The following MYO1D variants were observed in gnomAD, a reference collection of about 807,000 sequenced individuals.
The protein encoded by MYO1D is myosin ID, also known as unconventional myosin-Id.
Under a neutral mutation model 122.0 loss-of-function variants are expected in MYO1D, and 83 were observed. That is an observed-to-expected ratio of 0.68 (90% CI 0.57 to 0.82). The LOEUF is 0.82. Ranked by LOEUF, MYO1D falls within the 40% of genes least tolerant of loss-of-function variation. The probability of loss-of-function intolerance (pLI) is 0.00; values close to 1 mark genes in which losing one functional copy is unlikely to be tolerated. For missense variants in MYO1D, 1,157 were observed against 1,269.5 expected (o/e 0.91, Z 1.35); for synonymous variants, 464 against 446.9 (o/e 1.04, Z -0.48).
chr17:32,740,158 GA>G (rs2089756585), intron 13 of MYO1D, among the ~76,000 whole-genome samples: 1 of 152,228 alleles, frequency 6.6e-6, no homozygotes, highest in Non-Finnish European at 1.5e-5. Context: ...CATGGTGCCT[GA>G]ATGCCATTCT....
chr17:32,646,790 C>T (rs1290486387), intron 19 of MYO1D, among the ~76,000 whole-genome samples: 3 of 152,054 alleles, frequency 2.0e-5, no homozygotes. Context: ...CTTAAATTAT[C>T]CTCAGAATAT....
intron 4 of MYO1D, among the ~76,000 whole-genome samples, chr17:32,775,100 A>G (rs2090159640): frequency 6.6e-6 from 1 of 152,136 alleles, no homozygotes; most frequent in Non-Finnish European, 1.5e-5. Context: ...TAAGAGTTTG[A>G]GACCAGCCTG....
chr17:32,584,515 T>TC (rs990641093), intron 21 of MYO1D, among the ~76,000 whole-genome samples: 3 of 151,932 alleles, frequency 2.0e-5, no homozygotes, highest in African/African-American at 7.3e-5. Flanking sequence ...TTTTTTTTTT[T>TC]CGAGCCAGGG....
chr17:32,854,290 T>C (rs909027729), intron 1 of MYO1D, among the ~76,000 whole-genome samples: 1 of 152,214 alleles, frequency 6.6e-6, no homozygotes, highest in Non-Finnish European at 1.5e-5. Context: ...GGAATAAAAA[T>C]GGATCCTGGC....
intron 14 of MYO1D, 107 bp downstream of exon 14, chr17:32,738,146 T>C: frequency 1.0e-6 from 1 of 976,624 alleles, no homozygotes; most frequent in Non-Finnish European, 1.5e-6. Flanking sequence ...ATACATATTC[T>C]TCAATCTACA....
intron 20 of MYO1D, among the ~76,000 whole-genome samples, chr17:32,627,123 A>G (rs2087938847): frequency 6.6e-6 from 1 of 152,238 alleles, no homozygotes; most frequent in African/African-American, 2.4e-5. Context: ...AGCTCCCAGG[A>G]CTACTGAGAA....
In MYO1D at chr17:32,745,294, G is replaced by GA; in HGVS notation, c.1539-10dup. 2 of 1,507,550 alleles carry GA rather than the reference G, an allele frequency of 1.3e-6. No homozygotes were observed. The highest frequency in any genetic ancestry group is 1.8e-6 in the Non-Finnish European group (2 of 1,098,886). The allele number at this position is 1,507,550 out of a possible 1,614,324, so 93.4% of individuals were successfully genotyped here. Reference sequence around the variant, plus strand: ...AACCAATGACAGAATAGCTAACAGGGAAAAATCACAGAAAACATGTATCAT... The same window carrying GA: ...AACCAATGACAGAATAGCTAACAGGGAAAAAATCACAGAAAACATGTATCAT... On this transcript the variant is annotated splice_polypyrimidine_tract_variant and intron_variant, in intron 12 of 21. Coordinates refer to ENST00000318217, the MANE Select transcript of MYO1D (RefSeq NM_015194.3).
chr17:32,556,246 C>G (rs2087067611), intron 21 of MYO1D, among the ~76,000 whole-genome samples: 1 of 152,206 alleles, frequency 6.6e-6, no homozygotes, highest in South Asian at 2.1e-4. Flanking sequence ...CCAATCTTCT[C>G]TTACCTATAT....
chr17:32,738,307 A>T lies in MYO1D; in HGVS notation c.1692T>A (p.Ala564=). The change falls in exon 14 of 22, where the codon GCT becomes GCA. Residue 564 remains alanine, a synonymous_variant. Transcript: ENST00000318217. The part of the protein sequence containing the change: ...ITEVTKRPLT[A]ATLFKNSMIA... ...TCATAGAATTCTTAAACAAGGTAGCAGCAGTCAGAGGTCGCTTGGTCACCT... is the reference window on the plus strand; with the variant it reads ...TCATAGAATTCTTAAACAAGGTAGCTGCAGTCAGAGGTCGCTTGGTCACCT... 6.2e-7 allele frequency: 1 copy of T among 1,610,850 alleles called. No homozygotes were observed. The highest frequency in any genetic ancestry group is 1.1e-5 in the South Asian group (1 of 89,932).
At chr17:32,738,547 AC>A (rs1208719224) in intron 13 of MYO1D, among the ~76,000 whole-genome samples, 162 bp from the exon 14 acceptor site, 6 of 152,234 alleles carry the variant, frequency 3.9e-5, no homozygotes, top group Non-Finnish European at 2.9e-5. Context: ...AAATTATGCT[AC>A]AAGAATAATG....
intron 21 of MYO1D, among the ~76,000 whole-genome samples, chr17:32,500,895 G>A (rs868629375): frequency 1.3e-5 from 2 of 152,062 alleles, no homozygotes; most frequent in Admixed American, 6.6e-5. Context: ...TGTAGTCCCA[G>A]CTACTCGGGA....
rs1487922954 is a variant in MYO1D, at chr17:32,566,443, CTT to C, written c.2864+38642_2864+38643del. ...TGTCTCTGAGGTAGGCAGTGAGGGGCTTTCCTTGAGGAAGCCAAGGAAAGCTG... is the reference window on the plus strand; with the variant it reads ...TGTCTCTGAGGTAGGCAGTGAGGGGCTCCTTGAGGAAGCCAAGGAAAGCTG... On this transcript the variant is annotated intron_variant, in intron 21 of 21. Transcript: ENST00000318217. Among the ~76,000 whole-genome samples, 3 of 152,186 alleles carry C rather than the reference CTT, an allele frequency of 2.0e-5. No individual in the cohort carries two copies. The East Asian group carries it at 5.8e-4, about 30-fold the overall frequency.
Position 32,659,338 on chromosome 17 carries a change from C to T in MYO1D, c.2122G>A (p.Val708Met). Residue 708 changes from valine (V) to methionine (M), a missense_variant and splice_region_variant, in exon 17 of 22, where the codon GTG (valine) becomes ATG (methionine). Val to Met is a conservative substitution (Grantham distance 21, BLOSUM62 1). Coordinates refer to ENST00000318217, the MANE Select transcript of MYO1D (RefSeq NM_015194.3). Reference sequence around the variant, plus strand: ...ATGCGGGCCAGGGTGCCCCGCCACACCTTCACAATAGAGAAAGAAAAAGGA... The same window carrying T: ...ATGCGGGCCAGGGTGCCCCGCCACATCTTCACAATAGAGAAAGAAAAAGGA... ...LIRIVLFLQK[V>M]WRGTLARMRY... The T allele has an allele frequency of 6.2e-7, 1 of 1,613,886 alleles. No individual in the cohort carries two copies. The highest frequency in any genetic ancestry group is 1.3e-5 in the African/African-American group (1 of 75,028).
intron 1 of MYO1D, among the ~76,000 whole-genome samples, chr17:32,834,144 T>G (rs1291453331): frequency 1.3e-5 from 2 of 152,154 alleles, no homozygotes; most frequent in South Asian, 4.1e-4. Context: ...TAAATGAACT[T>G]CTCCGAAATG....
chr17:32,720,511 T>A (rs1001291430), intron 15 of MYO1D, among the ~76,000 whole-genome samples: 1 of 152,168 alleles, frequency 6.6e-6, no homozygotes, highest in Admixed American at 6.5e-5. Flanking sequence ...TTTCAGGTCC[T>A]CCATGCTTAA....
intron 1 of MYO1D, among the ~76,000 whole-genome samples, chr17:32,850,480 T>G (rs1171517720): frequency 1.3e-5 from 2 of 152,208 alleles, no homozygotes; most frequent in Admixed American, 1.3e-4. Context: ...GTATTTGATA[T>G]TAATTTTTTA....
chr17:32,816,369 A>G (rs1236978482), intron 1 of MYO1D, among the ~76,000 whole-genome samples: 2 of 152,214 alleles, frequency 1.3e-5, no homozygotes, highest in Non-Finnish European at 2.9e-5. Context: ...AGAAGGATAC[A>G]TAAGGGTTAG....
chr17:32,563,098 A>C (rs1270207781), intron 21 of MYO1D, among the ~76,000 whole-genome samples: 1 of 151,966 alleles, frequency 6.6e-6, no homozygotes, highest in African/African-American at 2.4e-5. Context: ...TTGTTAAGAC[A>C]TCTTTGATTA....
intron 21 of MYO1D, among the ~76,000 whole-genome samples, chr17:32,563,206 C>CTTT (rs1279675450): frequency 1.6e-3 from 158 of 95,946 alleles, no homozygotes; most frequent in Non-Finnish European, 2.1e-3. Flanking sequence ...TTTCTTCTCT[C>CTTT]TTTTTTTTTT....
Sources: gnomAD v4.1 joint callset for allele counts (sites outside exome capture counted in the v4.1 genomes callset) on GRCh38, gnomAD v4.1.1 for gene constraint, MANE v1.5 for transcripts, NCBI Gene and HGNC (gene_info 2026-07-23, HGNC 2026-07-21) for gene names.